Variants in IMMP1L observed in about 807,000 individuals in gnomAD.
The protein encoded by IMMP1L is mitochondrial inner membrane protease subunit 1.
IMMP1L carries 24 observed loss-of-function variants against 21.8 expected under a neutral mutation model. The ratio of observed to expected loss-of-function variants is 1.10; its 90% CI spans 0.80 to 1.55. IMMP1L has a LOEUF of 1.55. Ranked by LOEUF, IMMP1L falls within the 40% of genes most tolerant of loss-of-function variation. The probability of loss-of-function intolerance (pLI) is 0.00; values close to 1 mark genes in which losing one functional copy is unlikely to be tolerated. For missense variants in IMMP1L, 195 were observed against 200.7 expected, an observed-to-expected ratio of 0.97 and a Z score of 0.17; for synonymous variants, 46 against 62.8, an observed-to-expected ratio of 0.73 and a Z score of 1.26.
At chr11:31,506,682 C>T (rs1003985072) in intron 1 of IMMP1L, among the ~76,000 whole-genome samples, 1 of 147,122 alleles carries the variant, frequency 6.8e-6, no homozygotes, top group African/African-American at 2.5e-5. Context: ...AAAAAGGCGG[C>T]TGGGCGCGGT....
intron 1 of IMMP1L, among the ~76,000 whole-genome samples, chr11:31,474,445 G>T (rs1019289895): frequency 6.6e-6 from 1 of 152,156 alleles, no homozygotes; most frequent in Non-Finnish European, 1.5e-5. Context: ...TCTACTGTAA[G>T]ATTTGTATAG....
rs528705663 is a variant in IMMP1L, at chr11:31,439,249, C to T, written c.322-5679G>A. Reference sequence around the variant, plus strand: ...CATCCATAGCCTTCATGTTAATCTGCTTGACCTGTCCTATGGGTTACTCAT... The same window carrying T: ...CATCCATAGCCTTCATGTTAATCTGTTTGACCTGTCCTATGGGTTACTCAT... On this transcript the variant is annotated intron_variant, in intron 4 of 5. Transcript: ENST00000532287. 4.5e-4 allele frequency among the ~76,000 whole-genome samples: 69 copies of T among 152,122 alleles called. 1 individual carries two copies. Among genetic ancestry groups the T allele is most frequent in the African/African-American group, 1.7e-3 (69 of 41,482 alleles).
intron 3 of IMMP1L, among the ~76,000 whole-genome samples, chr11:31,456,900 A>C (rs926263867): frequency 4.2e-5 from 6 of 143,506 alleles, no homozygotes; most frequent in African/African-American, 1.5e-4. Context: ...AAAAAAAAAA[A>C]AAACCACACA....
intron 1 of IMMP1L, among the ~76,000 whole-genome samples, chr11:31,489,225 A>C (rs1269112476): frequency 6.6e-6 from 1 of 152,140 alleles, no homozygotes; most frequent in Non-Finnish European, 1.5e-5. Context: ...TTGAAATGTT[A>C]AAGTTTGCTT....
At chr11:31,489,274 A>G (rs1565006142) in intron 1 of IMMP1L, among the ~76,000 whole-genome samples, 1 of 152,218 alleles carries the variant, frequency 6.6e-6, no homozygotes, top group Non-Finnish European at 1.5e-5. Context: ...GTCTGCCACA[A>G]AAAACAAACT....
At chr11:31,449,127 T>C in intron 4 of IMMP1L, 5 of 968,794 alleles carry the variant, frequency 5.2e-6, no homozygotes, top group Non-Finnish European at 6.1e-6. Flanking sequence ...GATACTCTAG[T>C]TGTAATAAGT....
chr11:31,499,985 G>A (rs1056272166), intron 1 of IMMP1L, among the ~76,000 whole-genome samples: 8 of 129,022 alleles, frequency 6.2e-5, no homozygotes, highest in East Asian at 2.1e-4. Flanking sequence ...TAAATAAAGT[G>A]TAATCTGCCT....
intron 4 of IMMP1L, among the ~76,000 whole-genome samples, chr11:31,445,434 CCAGAAAAA>C (rs1278136224): frequency 6.6e-6 from 1 of 152,008 alleles, no homozygotes; most frequent in Non-Finnish European, 1.5e-5. Context: ...TAGAGATTGG[CCAGAAAAA>C]CAGATTTATA....
intron 1 of IMMP1L, among the ~76,000 whole-genome samples, chr11:31,495,361 A>G (rs1441549780): frequency 2.0e-5 from 3 of 152,136 alleles, no homozygotes; most frequent in African/African-American, 7.2e-5. Flanking sequence ...CCTGTTCCAA[A>G]GTCAATTCCA....
At position 31,482,642 on chromosome 11, in the gene IMMP1L, C is replaced by T. The variant is rs568904380; in HGVS notation, c.-29-19337G>A. Reference sequence around the variant, plus strand: ...GGGGAAATATAAAGTAAAATCATTACGGTACACTACTTTGTACCCACCAGA... The same window carrying T: ...GGGGAAATATAAAGTAAAATCATTATGGTACACTACTTTGTACCCACCAGA... On this transcript the variant is annotated intron_variant, in intron 1 of 5. Transcript: ENST00000532287. Among the ~76,000 whole-genome samples, 18 of 151,886 alleles carry T rather than the reference C, an allele frequency of 1.2e-4. No individual in the cohort carries two copies. In the East Asian group the frequency reaches 1.5e-3, roughly 13 times the overall value.
intron 4 of IMMP1L, among the ~76,000 whole-genome samples, chr11:31,442,170 T>C (rs1347344635): frequency 6.6e-6 from 1 of 152,038 alleles, no homozygotes; most frequent in Non-Finnish European, 1.5e-5. Context: ...GTTTACTTCC[T>C]GAGCTAGGTT....
intron 4 of IMMP1L, among the ~76,000 whole-genome samples, chr11:31,444,580 T>C (rs529722706): frequency 3.3e-5 from 5 of 151,872 alleles, no homozygotes; most frequent in African/African-American, 1.2e-4. Flanking sequence ...AAAACTAACA[T>C]TTCTATTCTT....
chr11:31,483,572 G>A lies in IMMP1L; in HGVS notation c.-29-20267C>T, dbSNP rs568462728. Among the ~76,000 whole-genome samples, 28 of 151,966 alleles carry A rather than the reference G, an allele frequency of 1.8e-4. No individual in the cohort carries two copies. The South Asian group carries it at 5.0e-3, about 27-fold the overall frequency. On this transcript the variant is annotated intron_variant, in intron 1 of 5. Coordinates refer to ENST00000532287, the MANE Select transcript of IMMP1L (RefSeq NM_001304274.2). Reference sequence around the variant, plus strand: ...ATGTATTCAGAGATATCCAGTCTTCGTGTTGGAAGTAACTGATACTGCTAT... The same window carrying A: ...ATGTATTCAGAGATATCCAGTCTTCATGTTGGAAGTAACTGATACTGCTAT...
At chr11:31,456,864 A>G (rs1953955995) in intron 3 of IMMP1L, among the ~76,000 whole-genome samples, 1 of 116,970 alleles carries the variant, frequency 8.5e-6, no homozygotes, top group Non-Finnish European at 1.7e-5. Flanking sequence ...CAACAGACTG[A>G]GACCATGTCT....
chr11:31,452,735 C>G, intron 4 of IMMP1L: 1 of 1,017,874 alleles, frequency 9.8e-7, no homozygotes, highest in Non-Finnish European at 1.2e-6. Context: ...ATAAGGAAAG[C>G]AAACAGCATC....
chr11:31,500,194 T>C lies in IMMP1L; in HGVS notation c.-30+9325A>G, dbSNP rs1222953502. Among the ~76,000 whole-genome samples, 4 of 151,934 alleles carry C rather than the reference T, an allele frequency of 2.6e-5. No homozygotes were observed. The East Asian group carries it at 7.7e-4, about 29-fold the overall frequency. On this transcript the variant is annotated intron_variant, in intron 1 of 5. Transcript: ENST00000532287. ...TTTTCCATTTAGGCTAAAGATTTGA[T>C]GGGAAAACAAAGAAAGAGAAAACCC... is the stretch of plus-strand genomic sequence containing the variant.
intron 1 of IMMP1L, among the ~76,000 whole-genome samples, chr11:31,489,584 T>A (rs1157991360): frequency 6.7e-6 from 1 of 148,394 alleles, no homozygotes; most frequent in Non-Finnish European, 1.5e-5. Flanking sequence ...ACTTATCATC[T>A]TTTGCTCTCC....
At chr11:31,486,307 A>C (rs951517225) in intron 1 of IMMP1L, among the ~76,000 whole-genome samples, 1 of 151,840 alleles carries the variant, frequency 6.6e-6, no homozygotes, top group Non-Finnish European at 1.5e-5. Context: ...AAGTGACTCA[A>C]TCTCTCTAGT....
chr11:31,434,844 A>G (rs1953067344), intron 4 of IMMP1L, among the ~76,000 whole-genome samples: 1 of 152,180 alleles, frequency 6.6e-6, no homozygotes, highest in South Asian at 2.1e-4. Flanking sequence ...TATTACTGGA[A>G]CTAGTTTGTC....
Sources: gnomAD v4.1 joint callset for allele counts (sites outside exome capture counted in the v4.1 genomes callset) on GRCh38, gnomAD v4.1.1 for gene constraint, MANE v1.5 for transcripts, NCBI Gene and HGNC (gene_info 2026-07-23, HGNC 2026-07-21) for gene names.